The following ABCC4 variants were observed in gnomAD, a reference collection of about 807,000 sequenced individuals.
ABCC4 encodes ATP binding cassette subfamily C member 4 (PEL blood group).
ABCC4 carries 102 observed loss-of-function variants against 168.5 expected under a neutral mutation model. The ratio of observed to expected loss-of-function variants is 0.61; its 90% CI spans 0.52 to 0.71. The LOEUF is 0.71. ABCC4 is among the 30% of genes least tolerant of loss of function. The pLI is 0.00. For missense variants in ABCC4, 1,402 were observed against 1,605.8 expected, an observed-to-expected ratio of 0.87 and a Z score of 2.17; for synonymous variants, 617 against 590.7, an observed-to-expected ratio of 1.04 and a Z score of -0.65.
rs183658409 is a variant in ABCC4, at chr13:95,049,678, A to T, written c.3456+3417T>A. On this transcript the variant is annotated intron_variant, in intron 27 of 30. Transcript: ENST00000645237. ...AAATAAATAAAAATAAATAAATAAA[A>T]AAATAACCAAGATGACACAACCACA... Among the ~76,000 whole-genome samples the T allele has an allele frequency of 3.2e-4, 49 of 151,988 alleles. 1 individual carries two copies. The highest frequency in any genetic ancestry group is 1.5e-3 in the East Asian group (8 of 5,168).
At chr13:95,236,654 T>C (rs1297340942) in intron 3 of ABCC4, among the ~76,000 whole-genome samples, 1 of 152,062 alleles carries the variant, frequency 6.6e-6, no homozygotes, top group Admixed American at 6.6e-5. Flanking sequence ...CTGCACTGCC[T>C]TCCATGAGGT....
Position 95,021,089 on chromosome 13 carries a change from C to G in ABCC4, c.*486G>C, listed in dbSNP as rs1354277007. Reference sequence around the variant, plus strand: ...GTTGTTCCTATTGGTTGTAACTGTACTATTTTCTAACAAGAAGCCTTCAGG... The same window carrying G: ...GTTGTTCCTATTGGTTGTAACTGTAGTATTTTCTAACAAGAAGCCTTCAGG... On this transcript the variant is annotated 3_prime_UTR_variant, in exon 31 of 31. Coordinates refer to ENST00000645237, the MANE Select transcript of ABCC4 (RefSeq NM_005845.5). 6.5e-6 allele frequency: 1 copy of G among 153,426 alleles called. No individual in the cohort carries two copies. Among genetic ancestry groups the G allele is most frequent in the East Asian group, 1.9e-4 (1 of 5,218 alleles). 9.5% of individuals were successfully genotyped at this position (153,426 alleles called of 1,614,324 possible).
chr13:95,270,736 T>C (rs937156843), intron 1 of ABCC4, among the ~76,000 whole-genome samples: 78 of 152,286 alleles, frequency 5.1e-4, no homozygotes, highest in African/African-American at 1.8e-3. Flanking sequence ...CAAACCACAC[T>C]GAGTAGGGAA....
chr13:95,176,797 G>A (rs575753164), intron 13 of ABCC4, among the ~76,000 whole-genome samples: 1 of 152,176 alleles, frequency 6.6e-6, no homozygotes, highest in Non-Finnish European at 1.5e-5. Context: ...TTAACAAGGC[G>A]AAAAACAGGA....
intron 19 of ABCC4, among the ~76,000 whole-genome samples, chr13:95,129,951 A>T (rs2035904750): frequency 6.6e-6 from 1 of 152,064 alleles, no homozygotes; most frequent in Admixed American, 6.6e-5. Context: ...GGCACACGCC[A>T]ATAATCCCAG....
At chr13:95,127,477 C>T (rs756612635) in intron 19 of ABCC4, among the ~76,000 whole-genome samples, 9 of 152,086 alleles carry the variant, frequency 5.9e-5, no homozygotes, top group Non-Finnish European at 1.3e-4. Context: ...GAGGTTTCTC[C>T]ATGTTGGCCA....
intron 20 of ABCC4, among the ~76,000 whole-genome samples, chr13:95,104,892 C>A (rs1055992024): frequency 4.6e-5 from 7 of 152,150 alleles, no homozygotes; most frequent in Admixed American, 2.0e-4. Flanking sequence ...CAGTCCTCAA[C>A]CTTTTTGGCA....
intron 20 of ABCC4, among the ~76,000 whole-genome samples, chr13:95,092,773 G>C (rs2034476145): frequency 6.6e-6 from 1 of 151,956 alleles, no homozygotes; most frequent in African/African-American, 2.4e-5. Flanking sequence ...AAACACAAAA[G>C]ATAAATAAAA....
intron 21 of ABCC4, among the ~76,000 whole-genome samples, chr13:95,075,942 AGAG>A (rs1354797866): frequency 4.6e-5 from 7 of 152,194 alleles, no homozygotes; most frequent in Non-Finnish European, 1.0e-4. Context: ...TTCTCTGTTA[AGAG>A]TACTCACCAT....
chr13:95,244,637 GAAAGAAAGA>G (rs2040048545), intron 3 of ABCC4, among the ~76,000 whole-genome samples: 1 of 81,656 alleles, frequency 1.2e-5, no homozygotes, highest in African/African-American at 5.8e-5. Flanking sequence ...AAGAAAGAAA[GAAAGAAAGA>G]AAGAAAGAAA....
intron 20 of ABCC4, among the ~76,000 whole-genome samples, chr13:95,098,134 T>TAAAAAAAAAAAA (rs66704412): frequency 8.8e-6 from 1 of 114,120 alleles, no homozygotes; most frequent in Non-Finnish European, 1.8e-5. Flanking sequence ...AGATACTGTC[T>TAAAAAAAAAAAA]AAAAAAAAAA....
At chr13:95,076,622 G>A (rs555844398) in intron 21 of ABCC4, among the ~76,000 whole-genome samples, 4 of 151,164 alleles carry the variant, frequency 2.6e-5, no homozygotes, top group Non-Finnish European at 4.4e-5. Flanking sequence ...CCACCACCAC[G>A]GCCGGCTAAT....
At chr13:95,218,917 G>A (rs111817271) in intron 4 of ABCC4, among the ~76,000 whole-genome samples, 1,118 of 35,930 alleles carry the variant, frequency 0.031, 33 homozygotes, top group African/African-American at 0.041. Context: ...GAGAGAGAGA[G>A]AGAAAGAAAG....
Position 95,062,871 on chromosome 13 carries a change from T to C in ABCC4, c.3211-12A>G. ...CCCACAATGCCAACCTACAGAGAGA[T>C]CCAGGCGGCAGGATTAAAAAAAAAA... is the stretch of plus-strand genomic sequence containing the variant. On this transcript the variant is annotated splice_polypyrimidine_tract_variant and intron_variant, in intron 25 of 30. Coordinates refer to ENST00000645237, the MANE Select transcript of ABCC4 (RefSeq NM_005845.5). 6.4e-7 allele frequency: 1 copy of C among 1,561,490 alleles called. No homozygotes were observed. Among genetic ancestry groups the C allele is most frequent in the Non-Finnish European group, 8.6e-7 (1 of 1,162,176 alleles).
intron 3 of ABCC4, among the ~76,000 whole-genome samples, chr13:95,239,472 A>G (rs527589975): frequency 6.6e-6 from 1 of 152,342 alleles, no homozygotes; most frequent in East Asian, 1.9e-4. Context: ...CTGGGGCAAA[A>G]ACTGTTCAGG....
At chr13:95,240,666 A>T (rs936182087) in intron 3 of ABCC4, among the ~76,000 whole-genome samples, 6 of 152,076 alleles carry the variant, frequency 3.9e-5, no homozygotes, top group African/African-American at 1.4e-4. Context: ...GAGGCTTAGT[A>T]TTCTATTATA....
intron 4 of ABCC4, among the ~76,000 whole-genome samples, chr13:95,213,332 G>C (rs148277126): frequency 6.6e-6 from 1 of 152,312 alleles, no homozygotes; most frequent in South Asian, 2.1e-4. Context: ...GGACTGACCT[G>C]GCTTTATGCC....
chr13:95,068,349 A>C (rs2033616396), intron 25 of ABCC4, among the ~76,000 whole-genome samples: 1 of 152,188 alleles, frequency 6.6e-6, no homozygotes, highest in Non-Finnish European at 1.5e-5. Flanking sequence ...AGTGGGGCTC[A>C]GCGCAGTGGC....
chr13:95,247,817 C>T (rs9556466), intron 1 of ABCC4, 64 bp from the exon 2 acceptor site: 431,529 of 1,302,020 alleles, frequency 0.33, 77,137 homozygotes, highest in Non-Finnish European at 0.36. Context: ...TAGACTCCTA[C>T]CTCCATGGGT....
Sources: allele counts gnomAD v4.1 joint callset (sites outside exome capture counted in the v4.1 genomes callset), GRCh38; gene constraint gnomAD v4.1.1; transcripts MANE v1.5; gene names NCBI Gene and HGNC (gene_info 2026-07-23, HGNC 2026-07-21).